The following SLC9D1 variants were observed in gnomAD, a reference collection of about 807,000 sequenced individuals.
SLC9D1 encodes solute carrier family 9 member D1, also known as putative LAG1-interacting protein.
At chr13:113,544,012 G>A in the SLC9D1 span, among the ~76,000 whole-genome samples, 1 of 152,240 alleles carries the variant, frequency 6.6e-6, no homozygotes, top group Non-Finnish European at 1.5e-5. Flanking sequence ...CACGTAGACG[G>A]CATCTGCCCG....
At chr13:113,539,228 A>G in the SLC9D1 span, 8 of 861,270 alleles carry the variant, frequency 9.3e-6, 1 homozygote, top group South Asian at 1.3e-4. This position sits in a 1 kb window ranked among gnomAD's most constrained non-coding sequence, Gnocchi z 4.8. Flanking sequence ...CCAGACACAC[A>G]CACGCTCTGT....
chr13:113,521,226 A>C, the SLC9D1 span, among the ~76,000 whole-genome samples: 4 of 146,122 alleles, frequency 2.7e-5, no homozygotes, highest in Admixed American at 2.7e-4. Context: ...GTGGGGGGGC[A>C]TGTGTCTGCA....
At chr13:113,549,329 G>A in the SLC9D1 span, 18 of 1,380,256 alleles carry the variant, frequency 1.3e-5, no homozygotes, top group African/African-American at 1.4e-4. Context: ...CTTTGCAGGC[G>A]TCCCTCCCAG....
At chr13:113,512,569 A>C in the SLC9D1 span, among the ~76,000 whole-genome samples, 1 of 151,506 alleles carries the variant, frequency 6.6e-6, no homozygotes. Flanking sequence ...TCGGAGCCCC[A>C]GGTGCTGGAA....
the SLC9D1 span, chr13:113,505,721 A>G: frequency 1.3e-5 from 2 of 152,232 alleles, no homozygotes; most frequent in African/African-American, 4.8e-5. Context: ...CTTTGTCATT[A>G]GGAGGAAGAA....
the SLC9D1 span, among the ~76,000 whole-genome samples, chr13:113,526,255 G>C: frequency 7.5e-3 from 1,148 of 152,216 alleles, 42 homozygotes; most frequent in Admixed American, 0.07. Flanking sequence ...AGAAAAAAAC[G>C]TATAGAATAA....
At chr13:113,491,047 G>T in the SLC9D1 span, 1 of 158,010 alleles carries the variant, frequency 6.3e-6, no homozygotes, top group Non-Finnish European at 1.4e-5. Flanking sequence ...TTGGCTGAGC[G>T]GGGGCGGTGC....
the SLC9D1 span, chr13:113,510,399 G>T: frequency 1.9e-6 from 3 of 1,613,382 alleles, no homozygotes; most frequent in Non-Finnish European, 2.5e-6. Flanking sequence ...GGTTCCTCAT[G>T]GGCAGTGCTC....
chr13:113,538,483 T>C, the SLC9D1 span, among the ~76,000 whole-genome samples: 60,967 of 151,642 alleles, frequency 0.4, 14,316 homozygotes, highest in African/African-American at 0.65. Flanking sequence ...TTCACACACA[T>C]GAGTCTCTTG....
chr13:113,530,343 A>C, the SLC9D1 span: 2 of 152,200 alleles, frequency 1.3e-5, no homozygotes, highest in African/African-American at 4.8e-5. Flanking sequence ...GTATACTTTA[A>C]ATGGGTAAGT....
chr13:113,513,827 A>G, the SLC9D1 span, among the ~76,000 whole-genome samples: 2 of 152,180 alleles, frequency 1.3e-5, no homozygotes, highest in Non-Finnish European at 2.9e-5. Flanking sequence ...CTGATCCTAA[A>G]ATTCAGTGGG....
chr13:113,495,363 A>G, the SLC9D1 span: 1 of 481,366 alleles, frequency 2.1e-6, no homozygotes, highest in Non-Finnish European at 3.6e-6. Context: ...TGAAATAAAT[A>G]GTTTAGATGT....
chr13:113,499,334 G>A, the SLC9D1 span, among the ~76,000 whole-genome samples: 2 of 152,120 alleles, frequency 1.3e-5, no homozygotes, highest in Non-Finnish European at 2.9e-5. Context: ...ATCAGTCTTG[G>A]CGACCTCCTG....
the SLC9D1 span, among the ~76,000 whole-genome samples, chr13:113,535,884 T>C: frequency 6.6e-6 from 1 of 151,190 alleles, no homozygotes; most frequent in Non-Finnish European, 1.5e-5. The surrounding 1 kb of genome is among the most constrained non-coding windows in gnomAD (Gnocchi z 4.1). Context: ...GTGTTTGCTG[T>C]GTCTATATCG....
chr13:113,547,954 C>CA, the SLC9D1 span, among the ~76,000 whole-genome samples: 1 of 143,024 alleles, frequency 7.0e-6, no homozygotes, highest in African/African-American at 2.5e-5. Context: ...CAGAGACACA[C>CA]ATCTCTCTGT....
chr13:113,501,946 C>T, the SLC9D1 span: 1 of 1,321,964 alleles, frequency 7.6e-7, no homozygotes, highest in South Asian at 1.2e-5. Context: ...TTCATGAAGA[C>T]TAAAAAGTAT....
the SLC9D1 span, chr13:113,536,509 T>C: frequency 1.1e-6 from 1 of 922,382 alleles, no homozygotes; most frequent in Non-Finnish European, 1.3e-6. Context: ...TACATTGTTT[T>C]ATCCATTCCA....
chr13:113,542,449 C>T, the SLC9D1 span, among the ~76,000 whole-genome samples: 1 of 152,244 alleles, frequency 6.6e-6, no homozygotes, highest in East Asian at 1.9e-4. Context: ...AGATCACCTT[C>T]AGGGGAGAAT....
the SLC9D1 span, among the ~76,000 whole-genome samples, chr13:113,543,071 CGCCCT>C: frequency 8.5e-6 from 1 of 118,014 alleles, no homozygotes; most frequent in African/African-American, 3.1e-5. Flanking sequence ...CCCTGCCTCC[CGCCCT>C]ACCTCTGTCT....
Sources: allele counts gnomAD v4.1 joint callset (sites outside exome capture counted in the v4.1 genomes callset), GRCh38; gene constraint gnomAD v4.1.1; non-coding constraint Gnocchi (gnomAD v3.1); transcripts MANE v1.5; gene names NCBI Gene and HGNC (gene_info 2026-07-23, HGNC 2026-07-21).